Variants in DMXL1 observed in about 807,000 individuals in gnomAD.
DMXL1 encodes dmX-like protein 1.
DMXL1 carries 99 observed loss-of-function variants against 319.2 expected under a neutral mutation model. The observed-to-expected ratio is 0.31, with a 90% CI of 0.26 to 0.37. The LOEUF is 0.37. Among genes scored for constraint, DMXL1 ranks in the 10% least tolerant of loss-of-function variants. DMXL1 has a pLI of 1.00. For synonymous variants in DMXL1, 1,385 were observed against 1,235.2 expected (o/e 1.12, Z -2.54); for missense variants, 3,745 against 3,595.6 (o/e 1.04, Z -1.06).
At chr5:119,143,176 G>A (rs184466134) in intron 13 of DMXL1, among the ~76,000 whole-genome samples, 8 of 152,080 alleles carry the variant, frequency 5.3e-5, no homozygotes, top group Admixed American at 4.6e-4. Context: ...AAAGCCCTGT[G>A]ACATGAGTTT....
intron 32 of DMXL1, among the ~76,000 whole-genome samples, chr5:119,202,743 C>T (rs563222175): frequency 8.6e-5 from 13 of 150,890 alleles, no homozygotes; most frequent in Non-Finnish European, 1.6e-4. Context: ...CCCAGCTACT[C>T]GGGAGGCTGA....
chr5:119,234,807 A>G (rs527746667), intron 39 of DMXL1, among the ~76,000 whole-genome samples: 10 of 152,294 alleles, frequency 6.6e-5, no homozygotes, highest in African/African-American at 2.4e-4. Flanking sequence ...AAACATAGCT[A>G]CATGATTACA....
chr5:119,201,120 G>A (rs1425558872), intron 32 of DMXL1, among the ~76,000 whole-genome samples: 1 of 152,152 alleles, frequency 6.6e-6, no homozygotes, highest in Non-Finnish European at 1.5e-5. Context: ...TAGGAGTGGT[G>A]AGACAAAGCA....
Position 119,116,215 on chromosome 5 carries a change from T to C in DMXL1, c.622T>C (p.Ser208Pro), listed in dbSNP as rs1760807483. Reference sequence around the variant, plus strand: ...AGAAAACTGGCGGACAGCTGTTACTTCTCCAGATGGAAGTTCAGAAAAACA... The same window carrying C: ...AGAAAACTGGCGGACAGCTGTTACTCCTCCAGATGGAAGTTCAGAAAAACA... ...NVENWRTAVT[S>P]PDGSSEKQSQ... Residue 208 changes from serine to proline, a missense_variant, in exon 7 of 44, where the codon TCT becomes CCT. Physicochemically the swap from Ser to Pro is moderately conservative, Grantham distance 74 (BLOSUM62 -1). Coordinates refer to ENST00000539542, the MANE Select transcript of DMXL1 (RefSeq NM_001290321.3). 1 of 1,614,076 alleles carries C rather than the reference T, an allele frequency of 6.2e-7. No homozygotes were observed. The highest frequency in any genetic ancestry group is 8.5e-7 in the Non-Finnish European group (1 of 1,180,000).
chr5:119,168,991 T>A (rs944969316), intron 23 of DMXL1, among the ~76,000 whole-genome samples: 2 of 152,176 alleles, frequency 1.3e-5, no homozygotes, highest in Admixed American at 6.5e-5. Context: ...AGCTTCCACC[T>A]CCCAAGCTCA....
At chr5:119,198,002 T>C in intron 32 of DMXL1, 46 bp downstream of exon 32, 1 of 1,581,170 alleles carries the variant, frequency 6.3e-7, no homozygotes, top group Non-Finnish European at 8.7e-7. Context: ...GTTTGTTTGT[T>C]TTTTGAGATG....
intron 1 of DMXL1, among the ~76,000 whole-genome samples, chr5:119,092,758 G>C (rs1755068402): frequency 6.6e-6 from 1 of 152,050 alleles, no homozygotes; most frequent in East Asian, 1.9e-4. Context: ...TGTCTATTCT[G>C]GACATTTCAT....
At chr5:119,192,157 AAAAAT>A (rs1410173346) in intron 29 of DMXL1, among the ~76,000 whole-genome samples, 2 of 152,180 alleles carry the variant, frequency 1.3e-5, no homozygotes, top group Non-Finnish European at 2.9e-5. Flanking sequence ...AGTCACTGAG[AAAAAT>A]AAAATCAGAC....
chr5:119,118,953 T>A lies in DMXL1; in HGVS notation c.882T>A (p.Asn294Lys). Residue 294 changes from asparagine (N) to lysine (K), a missense_variant, in exon 8 of 44, where the codon AAT (asparagine) becomes AAA (lysine). This residue lies in a region of DMXL1 where 2,096 missense variants were observed against 1,985.4 expected (regional missense o/e 1.06). Coordinates refer to ENST00000539542, the MANE Select transcript of DMXL1 (RefSeq NM_001290321.3). Reference sequence around the variant, plus strand: ...GGACTGAATCAATTAATTTAACAAATAACTTCAAGAGAAATGCTTCCAGTA... The same window carrying A: ...GGACTGAATCAATTAATTTAACAAAAAACTTCAAGAGAAATGCTTCCAGTA... The part of the protein sequence containing the change: ...SHWTESINLT[N>K]NFKRNASSKE... 1 of 1,613,682 alleles carries A rather than the reference T, an allele frequency of 6.2e-7. No homozygotes were observed. The highest frequency in any genetic ancestry group is 8.5e-7 in the Non-Finnish European group (1 of 1,179,884).
chr5:119,185,328 T>G (rs1486603773), intron 28 of DMXL1, among the ~76,000 whole-genome samples: 6 of 152,154 alleles, frequency 3.9e-5, no homozygotes, highest in Non-Finnish European at 8.8e-5. Flanking sequence ...GGAGACTCCC[T>G]TGCTCTGTGG....
chr5:119,092,093 G>A (rs1374542460), intron 1 of DMXL1, among the ~76,000 whole-genome samples: 1 of 152,084 alleles, frequency 6.6e-6, no homozygotes, highest in Non-Finnish European at 1.5e-5. Flanking sequence ...CTAAGTGCTG[G>A]GCAGAATTGG....
chr5:119,119,039 T>G (rs761483906), intron 8 of DMXL1, 35 bp downstream of exon 8: 2 of 1,490,186 alleles, frequency 1.3e-6, no homozygotes, highest in African/African-American at 1.4e-5. Context: ...ACTACAAGTT[T>G]TAAAACCTTT....
At chr5:119,088,017 G>A (rs948348049) in intron 1 of DMXL1, among the ~76,000 whole-genome samples, 4 of 152,068 alleles carry the variant, frequency 2.6e-5, no homozygotes, top group Admixed American at 6.6e-5. Context: ...GGCTAGACTG[G>A]CCTCGAACTC....
chr5:119,245,145 A>T (rs1789513116), intron 43 of DMXL1, among the ~76,000 whole-genome samples: 1 of 152,198 alleles, frequency 6.6e-6, no homozygotes, highest in South Asian at 2.1e-4. Flanking sequence ...CTCAGTTGAT[A>T]AGTAAGTCCA....
chr5:119,238,468 A>G (rs575163704), intron 40 of DMXL1, among the ~76,000 whole-genome samples: 3 of 152,314 alleles, frequency 2.0e-5, no homozygotes, highest in African/African-American at 7.2e-5. Context: ...GATGACTATT[A>G]GTAATTTTTT....
chr5:119,226,809 C>T (rs1785658827), intron 38 of DMXL1, among the ~76,000 whole-genome samples: 1 of 152,110 alleles, frequency 6.6e-6, no homozygotes, highest in African/African-American at 2.4e-5. Flanking sequence ...TCACAGAACT[C>T]AGGGAAAATG....
At chr5:119,178,687 A>G in intron 28 of DMXL1, 1 of 982,960 alleles carries the variant, frequency 1.0e-6, no homozygotes, top group Non-Finnish European at 1.2e-6. Flanking sequence ...CCAGTCTTGC[A>G]GGCAAGATAT....
chr5:119,104,400 C>G (rs977827907), intron 3 of DMXL1: 1 of 152,144 alleles, frequency 6.6e-6, no homozygotes, highest in African/African-American at 2.4e-5. Flanking sequence ...CATCCTGAAG[C>G]TTTTGAACCT....
chr5:119,211,394 C>T (rs1782781202), intron 34 of DMXL1, among the ~76,000 whole-genome samples: 1 of 152,094 alleles, frequency 6.6e-6, no homozygotes, highest in African/African-American at 2.4e-5. Flanking sequence ...ATTTCTTTAA[C>T]AGATGTAGGG....
Sources: gnomAD v4.1 joint callset for allele counts (sites outside exome capture counted in the v4.1 genomes callset) on GRCh38, gnomAD v4.1.1 for gene constraint, gnomAD v4.1.1 regional missense constraint, MANE v1.5 for transcripts, NCBI Gene and HGNC (gene_info 2026-07-23, HGNC 2026-07-21) for gene names.